PCDH7: variants seen among roughly 807,000 people sequenced by gnomAD.
PCDH7 encodes the protein protocadherin 7, also known as protocadherin-7.
PCDH7 carries 17 observed loss-of-function variants against 58.9 expected under a neutral mutation model. The ratio of observed to expected loss-of-function variants is 0.29; its 90% CI spans 0.20 to 0.43. PCDH7 has a LOEUF of 0.43. PCDH7 is among the 20% of genes least tolerant of loss of function. The pLI is 1.00. For synonymous variants in PCDH7, 664 were observed against 616.4 expected, an observed-to-expected ratio of 1.08 and a Z score of -1.14; for missense variants, 1,274 against 1,441.0, an observed-to-expected ratio of 0.88 and a Z score of 1.88.
chr4:30,833,702 A>AT (rs537398704), intron 1 of PCDH7, among the ~76,000 whole-genome samples: 1 of 152,218 alleles, frequency 6.6e-6, no homozygotes, highest in Non-Finnish European at 1.5e-5. Flanking sequence ...AATGTAGAAA[A>AT]TTAACAATAC....
chr4:30,876,712 A>G (rs1483282291), intron 1 of PCDH7, among the ~76,000 whole-genome samples: 2 of 152,016 alleles, frequency 1.3e-5, no homozygotes, highest in Non-Finnish European at 2.9e-5. Flanking sequence ...TTTACCTGTA[A>G]CAAATAATTT....
intron 1 of PCDH7, among the ~76,000 whole-genome samples, chr4:30,805,111 T>C (rs1360060869): frequency 6.6e-6 from 1 of 152,224 alleles, no homozygotes; most frequent in African/African-American, 2.4e-5. Context: ...TTGGTTTTCC[T>C]CCTTAATTGC....
At chr4:30,877,312 A>G (rs560433557) in intron 1 of PCDH7, among the ~76,000 whole-genome samples, 1 of 152,246 alleles carries the variant, frequency 6.6e-6, no homozygotes, top group East Asian at 1.9e-4. Context: ...TGGTATCAAA[A>G]TCCGAAAATA....
At chr4:31,087,713 T>C (rs1712650022) in intron 3 of PCDH7, among the ~76,000 whole-genome samples, 1 of 152,152 alleles carries the variant, frequency 6.6e-6, no homozygotes. Flanking sequence ...GGAACTAAAA[T>C]GTCGATTAAT....
intron 3 of PCDH7, among the ~76,000 whole-genome samples, chr4:31,092,030 G>T (rs183038121): frequency 6.6e-6 from 1 of 151,810 alleles, no homozygotes; most frequent in African/African-American, 2.4e-5. Context: ...CCCCACGCAC[G>T]TGTTTAGATT....
intron 1 of PCDH7, chr4:30,868,982 A>G (rs965302813): frequency 5.9e-5 from 9 of 152,112 alleles, no homozygotes; most frequent in African/African-American, 2.2e-4. Flanking sequence ...TACTATGTCA[A>G]AAGAAAACCA....
Position 31,114,632 on chromosome 4 carries a change from A to AACACACACACACAC in PCDH7, c.*8-27818_*8-27805dup, listed in dbSNP as rs34203962. Reference sequence around the variant, plus strand: ...CACCATGCACACACTCACACATACAAACACACACACACACACACACACACA... The same window carrying AACACACACACACAC: ...CACCATGCACACACTCACACATACAAACACACACACACACACACACACACACACACACACACACA... On this transcript the variant is annotated intron_variant, in intron 3 of 3. Coordinates refer to the PCDH7 transcript ENST00000509759. Among the ~76,000 whole-genome samples the AACACACACACACAC allele has an allele frequency of 1.5e-3, 213 of 143,686 alleles. 1 individual carries two copies. The highest frequency in any genetic ancestry group is 5.2e-3 in the African/African-American group (199 of 38,514). 94.3% of individuals were successfully genotyped at this position (143,686 alleles called of 152,430 possible).
At chr4:30,863,351 T>C (rs1734455090) in intron 1 of PCDH7, among the ~76,000 whole-genome samples, 1 of 152,058 alleles carries the variant, frequency 6.6e-6, no homozygotes, top group African/African-American at 2.4e-5. Context: ...AAACATTTGG[T>C]GATGTCTGGA....
intron 1 of PCDH7, among the ~76,000 whole-genome samples, chr4:30,796,143 C>G (rs1274984005): frequency 6.6e-6 from 1 of 152,098 alleles, no homozygotes. Flanking sequence ...ATTTTTCTTG[C>G]CATTCAGTTT....
At chr4:30,751,503 C>T (rs1240499090) in intron 1 of PCDH7, among the ~76,000 whole-genome samples, 1 of 152,028 alleles carries the variant, frequency 6.6e-6, no homozygotes, top group Non-Finnish European at 1.5e-5. Context: ...TTTTAGAAAA[C>T]TGTGAAATAG....
At chr4:31,031,221 C>T (rs927947651) in intron 3 of PCDH7, among the ~76,000 whole-genome samples, 2 of 152,210 alleles carry the variant, frequency 1.3e-5, no homozygotes, top group East Asian at 1.9e-4. Flanking sequence ...GACACCTCCC[C>T]GACCCCCCAA....
At chr4:31,099,368 T>C (rs1376459484) in intron 3 of PCDH7, among the ~76,000 whole-genome samples, 1 of 152,200 alleles carries the variant, frequency 6.6e-6, no homozygotes, top group African/African-American at 2.4e-5. Context: ...TTGCTCTGGC[T>C]ATAGGCAGAT....
chr4:30,923,554 G>C (rs528780802), intron 2 of PCDH7, among the ~76,000 whole-genome samples: 1 of 151,958 alleles, frequency 6.6e-6, no homozygotes, highest in Non-Finnish European at 1.5e-5. Flanking sequence ...TAAGGAAAAA[G>C]AATATACCAT....
At chr4:30,964,316 A>C (rs1748786740) in intron 3 of PCDH7, among the ~76,000 whole-genome samples, 1 of 150,526 alleles carries the variant, frequency 6.6e-6, no homozygotes, top group African/African-American at 2.4e-5. Context: ...ATCTCGGCTC[A>C]CTGCAAGCTC....
intron 3 of PCDH7, among the ~76,000 whole-genome samples, chr4:31,054,469 C>T (rs1219553904): frequency 6.6e-6 from 1 of 152,188 alleles, no homozygotes; most frequent in Non-Finnish European, 1.5e-5. Context: ...TAACCTCTTA[C>T]AGTGAGCAAG....
downstream of PCDH7, among the ~76,000 whole-genome samples, chr4:30,734,423 G>A (rs1577582423): frequency 6.6e-6 from 1 of 152,040 alleles, no homozygotes; most frequent in East Asian, 1.9e-4. Context: ...TAGTAGAAAT[G>A]CAGTTTCACC....
intron 1 of PCDH7, among the ~76,000 whole-genome samples, chr4:30,885,369 A>G (rs542352276): frequency 6.6e-6 from 1 of 152,308 alleles, no homozygotes; most frequent in South Asian, 2.1e-4. Context: ...GTAATTTCTG[A>G]TATGATATAT....
At chr4:30,903,852 G>GT (rs953345544) in intron 1 of PCDH7, among the ~76,000 whole-genome samples, 15 of 151,996 alleles carry the variant, frequency 9.9e-5, no homozygotes, top group East Asian at 1.9e-4. Context: ...TGTTTTTGGT[G>GT]TTTTTTTGTA....
chr4:30,766,598 A>G (rs1720782068), intron 1 of PCDH7, among the ~76,000 whole-genome samples: 1 of 152,060 alleles, frequency 6.6e-6, no homozygotes, highest in Non-Finnish European at 1.5e-5. Flanking sequence ...TATAGGCATC[A>G]TATAATAATG....
Sources: gnomAD v4.1 joint callset for allele counts (sites outside exome capture counted in the v4.1 genomes callset) on GRCh38, gnomAD v4.1.1 for gene constraint, MANE v1.5 for transcripts, NCBI Gene and HGNC (gene_info 2026-07-23, HGNC 2026-07-21) for gene names.